NEK11: variants seen among roughly 807,000 people sequenced by gnomAD.
The protein encoded by NEK11 is serine/threonine-protein kinase Nek11.
A neutral mutation model predicts 80.7 loss-of-function variants in NEK11; 72 were observed. The ratio of observed to expected loss-of-function variants is 0.89; its 90% CI spans 0.74 to 1.08. NEK11 has a LOEUF of 1.08. NEK11 is among the 50% of genes least tolerant of loss of function. The probability of loss-of-function intolerance (pLI) is 0.00; values close to 1 mark genes in which losing one functional copy is unlikely to be tolerated. For synonymous variants in NEK11, 251 were observed against 260.7 expected (o/e 0.96, Z 0.36); for missense variants, 764 against 763.6 (o/e 1.00, Z -0.01).
chr3:131,107,456 A>G (rs1342560257), intron 4 of NEK11, among the ~76,000 whole-genome samples: 2 of 151,846 alleles, frequency 1.3e-5, no homozygotes, highest in Non-Finnish European at 2.9e-5. Context: ...CATTGTCTTC[A>G]TCCTCTTCTC....
intron 3 of NEK11, chr3:131,053,456 G>A (rs1489141310): frequency 1.3e-5 from 2 of 152,198 alleles, no homozygotes; most frequent in African/African-American, 4.8e-5. Context: ...CATTGTAACT[G>A]GCATGAGCCA....
Position 131,299,519 on chromosome 3 carries a change from C to A in NEK11, c.1718+25945C>A, listed in dbSNP as rs113676904. Among the ~76,000 whole-genome samples the A allele has an allele frequency of 8.6e-3, 1,304 of 152,246 alleles. 45 individuals carry two copies. The South Asian group carries it at 0.12, about 14-fold the overall frequency. On this transcript the variant is annotated intron_variant, in intron 17 of 17. Transcript: ENST00000383366. ...TTGATAGGTAGTTTTTGATCCTTAC[C>A]CTCCTCCCACCATCTACCTCTCAGC...
intron 15 of NEK11, among the ~76,000 whole-genome samples, chr3:131,229,738 G>T (rs2095292316): frequency 6.6e-6 from 1 of 152,090 alleles, no homozygotes; most frequent in African/African-American, 2.4e-5. Context: ...AGAGGCAAGT[G>T]AAGGGTACAG....
chr3:131,328,417 TAACTC>T (rs1316854890), intron 17 of NEK11: 1 of 152,228 alleles, frequency 6.6e-6, no homozygotes, highest in Non-Finnish European at 1.5e-5. Context: ...GGTACAAAGA[TAACTC>T]AGAAAGGTCC....
At chr3:131,097,332 C>CTAGTT (rs1239767928) in intron 4 of NEK11, among the ~76,000 whole-genome samples, 1 of 151,752 alleles carries the variant, frequency 6.6e-6, no homozygotes, top group African/African-American at 2.4e-5. Context: ...AATGGTTGAA[C>CTAGTT]TAGTTTACAG....
At chr3:131,071,290 G>GA (rs1331896915) in intron 3 of NEK11, among the ~76,000 whole-genome samples, 2 of 151,958 alleles carry the variant, frequency 1.3e-5, no homozygotes, top group African/African-American at 4.8e-5. Context: ...GAGAACTATA[G>GA]AAAAAGGTAT....
At chr3:131,161,177 C>A (rs1027520114) in intron 10 of NEK11, among the ~76,000 whole-genome samples, 56 of 149,166 alleles carry the variant, frequency 3.8e-4, no homozygotes, top group Non-Finnish European at 7.7e-4. Context: ...AAAAAAAAGT[C>A]AAAAAATAGA....
At chr3:131,305,640 C>T (rs933436765) in intron 17 of NEK11, among the ~76,000 whole-genome samples, 12 of 152,184 alleles carry the variant, frequency 7.9e-5, no homozygotes, top group African/African-American at 1.9e-4. Context: ...AATCTCACCC[C>T]GTCCACCTCT....
At chr3:131,288,416 C>T (rs1416617828) in intron 17 of NEK11, among the ~76,000 whole-genome samples, 3 of 146,534 alleles carry the variant, frequency 2.0e-5, no homozygotes, top group Non-Finnish European at 4.5e-5. Context: ...TTACCTCTGT[C>T]TTCGAAGATT....
intron 3 of NEK11, among the ~76,000 whole-genome samples, chr3:131,056,608 A>G (rs932038778): frequency 2.6e-5 from 4 of 151,984 alleles, no homozygotes; most frequent in East Asian, 1.9e-4. Context: ...GATATGCTAC[A>G]TGTTCTAGTG....
rs147038261 is a variant in NEK11 at position 131,091,610 on chromosome 3, A to G, written c.336+11022A>G. On this transcript the variant is annotated intron_variant, in intron 4 of 17. Transcript: ENST00000383366. ...AAGAAGTTGATATAAAATGTATAGA[A>G]TTTAATATTTCTTTAACACAGTTTA... Among the ~76,000 whole-genome samples the G allele has an allele frequency of 3.4e-3, 521 of 152,366 alleles. 2 individuals are homozygous for G. Among genetic ancestry groups the G allele is most frequent in the African/African-American group, 0.011 (477 of 41,588 alleles).
At chr3:131,037,133 C>T (rs539229116) in intron 3 of NEK11, among the ~76,000 whole-genome samples, 1 of 152,246 alleles carries the variant, frequency 6.6e-6, no homozygotes, top group Non-Finnish European at 1.5e-5. Flanking sequence ...ACTGGTTCAG[C>T]ATTTTCTTCC....
chr3:131,120,196 T>G (rs2082124647), intron 5 of NEK11, among the ~76,000 whole-genome samples: 1 of 152,212 alleles, frequency 6.6e-6, no homozygotes, highest in South Asian at 2.1e-4. Flanking sequence ...TCTCTCAGCA[T>G]TTGCTTGTCT....
chr3:131,288,017 G>T (rs902632731), intron 17 of NEK11, among the ~76,000 whole-genome samples: 13 of 152,066 alleles, frequency 8.5e-5, no homozygotes, highest in Non-Finnish European at 1.9e-4. Context: ...ATTCATAAAG[G>T]TTTGCTGGAA....
intron 4 of NEK11, among the ~76,000 whole-genome samples, chr3:131,105,380 G>A (rs569620445): frequency 1.3e-4 from 20 of 152,236 alleles, no homozygotes; most frequent in Middle Eastern, 3.4e-3. Flanking sequence ...TAAATAGCAC[G>A]TCTAATCTTA....
chr3:131,324,020 T>A (rs923416970), intron 17 of NEK11, among the ~76,000 whole-genome samples: 5 of 152,078 alleles, frequency 3.3e-5, no homozygotes, highest in African/African-American at 1.2e-4. Context: ...GGGAGGTGAA[T>A]CTGTTGAAGA....
At chr3:131,028,637 C>T (rs1200704015) in intron 2 of NEK11, among the ~76,000 whole-genome samples, 3 of 151,912 alleles carry the variant, frequency 2.0e-5, no homozygotes, top group Non-Finnish European at 2.9e-5. Flanking sequence ...CGAGATCTCA[C>T]TGCAAGCTCC....
At chr3:131,255,988 G>C (rs1252546073) in intron 16 of NEK11, among the ~76,000 whole-genome samples, 1 of 152,100 alleles carries the variant, frequency 6.6e-6, no homozygotes, top group Non-Finnish European at 1.5e-5. Flanking sequence ...TGGTTCTGAG[G>C]GCTGTCCAAT....
chr3:131,243,458 C>T lies in NEK11; in HGVS notation c.1583C>T (p.Ala528Val). Residue 528 changes from alanine to valine, a missense_variant, in exon 16 of 18, where the codon GCC becomes GTC. By Grantham distance (64) the Ala-to-Val change is moderately conservative. Coordinates refer to ENST00000383366, the MANE Select transcript of NEK11 (RefSeq NM_024800.5). ...NQQDSDIEALARCLENVLGCT... is the reference protein window; with the variant it reads ...NQQDSDIEALVRCLENVLGCT... ...CAGGACAGTGATATCGAAGCGTTGG[C>T]CAGGTGTTTGGAAAATGTCCTGGGT... is the stretch of plus-strand genomic sequence containing the variant. 1 of 1,612,680 alleles carries T rather than the reference C, an allele frequency of 6.2e-7. No individual in the cohort carries two copies. Among genetic ancestry groups the T allele is most frequent in the Non-Finnish European group, 8.5e-7 (1 of 1,179,258 alleles).
Sources: gnomAD v4.1 joint callset for allele counts (sites outside exome capture counted in the v4.1 genomes callset) on GRCh38, gnomAD v4.1.1 for gene constraint, MANE v1.5 for transcripts, NCBI Gene and HGNC (gene_info 2026-07-23, HGNC 2026-07-21) for gene names.